SNPH: variants seen among roughly 807,000 people sequenced by gnomAD.
SNPH encodes the protein syntaphilin.
A neutral mutation model predicts 36.8 loss-of-function variants in SNPH; 10 were observed. The ratio of observed to expected loss-of-function variants is 0.27; its 90% CI spans 0.17 to 0.46. SNPH has a LOEUF of 0.46. Among genes scored for constraint, SNPH ranks in the 20% least tolerant of loss-of-function variants. SNPH has a pLI of 1.00. For missense variants in SNPH, 622 were observed against 744.0 expected, an observed-to-expected ratio of 0.84 and a Z score of 1.91; for synonymous variants, 281 against 312.2, an observed-to-expected ratio of 0.90 and a Z score of 1.05.
In SNPH at chr20:1,307,522, C is replaced by T. The variant is rs1296099101; in HGVS notation, c.*1468C>T. On this transcript the variant is annotated 3_prime_UTR_variant, in exon 7 of 7. Coordinates refer to ENST00000381867, the MANE Select transcript of SNPH (RefSeq NM_001318234.2). Reference sequence around the variant, plus strand: ...CCACTCTTCAGAGGCTAGGCCCCACCTCTGGGGGTTGGAGGGACCCTGTGT... The same window carrying T: ...CCACTCTTCAGAGGCTAGGCCCCACTTCTGGGGGTTGGAGGGACCCTGTGT... 6.6e-6 allele frequency: 1 copy of T among 152,414 alleles called. No homozygotes were observed. The highest frequency in any genetic ancestry group is 2.4e-5 in the African/African-American group (1 of 41,480). The allele number at this position is 152,414 out of a possible 1,614,324, so 9.4% of individuals were successfully genotyped here.
chr20:1,303,175 C>T (rs914508990), intron 6 of SNPH, among the ~76,000 whole-genome samples: 3 of 152,244 alleles, frequency 2.0e-5, no homozygotes, highest in African/African-American at 7.2e-5. Flanking sequence ...CAGTGGCCCA[C>T]CTTCTGTTCC....
chr20:1,299,297 G>A (rs2088477417), intron 5 of SNPH, among the ~76,000 whole-genome samples: 1 of 152,124 alleles, frequency 6.6e-6, no homozygotes, highest in South Asian at 2.1e-4. Context: ...GCTCATAAAG[G>A]GACATTGCCC....
At chr20:1,292,269 G>A (rs1260918005) in intron 2 of SNPH, among the ~76,000 whole-genome samples, 3 of 152,208 alleles carry the variant, frequency 2.0e-5, no homozygotes, top group African/African-American at 4.8e-5. Context: ...GTATGCCTGA[G>A]GACAGGCAGG....
chr20:1,284,820 A>C (rs2088265363), intron 2 of SNPH, among the ~76,000 whole-genome samples: 1 of 152,224 alleles, frequency 6.6e-6, no homozygotes, highest in Non-Finnish European at 1.5e-5. Flanking sequence ...AGAACTTTAC[A>C]TCAGCCGAAG....
At chr20:1,281,212 T>G (rs1260901061) in intron 2 of SNPH, among the ~76,000 whole-genome samples, 5 of 152,162 alleles carry the variant, frequency 3.3e-5, no homozygotes, top group Admixed American at 3.3e-4. Flanking sequence ...AAATTTCTCT[T>G]GAAGCCACCT....
chr20:1,290,395 TGCA>T (rs2088345159), intron 2 of SNPH, among the ~76,000 whole-genome samples: 2 of 152,264 alleles, frequency 1.3e-5, no homozygotes, highest in Non-Finnish European at 2.9e-5. Flanking sequence ...TCTGTCTGTG[TGCA>T]TTTGCCTGTG....
rs56289024 is a variant in SNPH, at chr20:1,289,512, TACACACACACACACAC to T, written c.-492-5409_-492-5394del. Among the ~76,000 whole-genome samples, 85 of 137,748 alleles carry T rather than the reference TACACACACACACACAC, an allele frequency of 6.2e-4. 1 individual carries two copies. The highest frequency in any genetic ancestry group is 1.2e-3 in the African/African-American group (44 of 36,028). The allele number at this position is 137,748 out of a possible 152,430, so 90.4% of individuals were successfully genotyped here. On this transcript the variant is annotated intron_variant, in intron 2 of 6. Coordinates refer to ENST00000381867, the MANE Select transcript of SNPH (RefSeq NM_001318234.2). ...TTATTAATGCAACGGTTCATTTAAATACACACACACACACACACACACACACACACACACACACACA... is the reference window on the plus strand; with the variant it reads ...TTATTAATGCAACGGTTCATTTAAATACACACACACACACACACACACACA...
intron 5 of SNPH, among the ~76,000 whole-genome samples, chr20:1,299,479 G>A (rs1309201647): frequency 6.6e-6 from 1 of 152,238 alleles, no homozygotes; most frequent in African/African-American, 2.4e-5. Context: ...CTGGGCCATA[G>A]TCTGTTGTGG....
chr20:1,266,454 G>T lies in SNPH; in HGVS notation c.-600+57G>T. 4.3e-6 allele frequency: 3 copies of T among 699,544 alleles called. No homozygotes were observed. The highest frequency in any genetic ancestry group is 6.4e-6 in the Non-Finnish European group (3 of 471,164). 43.3% of individuals were successfully genotyped at this position (699,544 alleles called of 1,614,324 possible). A position where few individuals can be genotyped will look rare whatever the true frequency, so the allele number is the denominator to read the frequency against. ...CCACCGCCCAGCTGCACCCGCCGCA[G>T]TCCAGAGTGCCGAGTGCCAGGGGGT... is the stretch of plus-strand genomic sequence containing the variant. On this transcript the variant is annotated intron_variant, in intron 1 of 6. Transcript: ENST00000381867. The surrounding 1 kb of genome is among the most constrained non-coding windows in gnomAD (Gnocchi z 6.0).
chr20:1,306,117 C>A lies in SNPH; in HGVS notation c.*63C>A, dbSNP rs933193265. ...ACTGATTGTAGGGATGCCGTTCCCC[C>A]CTCCCTTCTCCCATGGGCATCATCT... On this transcript the variant is annotated 3_prime_UTR_variant, in exon 7 of 7. Coordinates refer to ENST00000381867, the MANE Select transcript of SNPH (RefSeq NM_001318234.2). 17 of 1,250,782 alleles carry A rather than the reference C, an allele frequency of 1.4e-5. No individual in the cohort carries two copies. Among genetic ancestry groups the A allele is most frequent in the African/African-American group, 7.8e-5 (5 of 64,388 alleles). 77.5% of individuals were successfully genotyped at this position (1,250,782 alleles called of 1,614,324 possible).
Position 1,266,841 on chromosome 20 carries a change from G to C in SNPH, c.-493+81G>C, listed in dbSNP as rs1411144142. ...GGGGCCGCTTGCAACCGCTCGCTGCGGTAGAATCCCTTGGAGGGCACCAGC... is the reference window on the plus strand; with the variant it reads ...GGGGCCGCTTGCAACCGCTCGCTGCCGTAGAATCCCTTGGAGGGCACCAGC... On this transcript the variant is annotated intron_variant, in intron 2 of 6. Transcript: ENST00000381867. The surrounding 1 kb of genome is among the most constrained non-coding windows in gnomAD (Gnocchi z 6.0). 7.7e-7 allele frequency: 1 copy of C among 1,302,844 alleles called. No homozygotes were observed. Among genetic ancestry groups the C allele is most frequent in the African/African-American group, 1.5e-5 (1 of 64,562 alleles). 80.7% of individuals were successfully genotyped at this position (1,302,844 alleles called of 1,614,324 possible).
Position 1,305,648 on chromosome 20 carries a change from AC to A in SNPH, c.1215del (p.Asn406ThrfsTer6). ...GATGCCCACCCTTCAGGGCCCAGAG[AC>A]CCCAACTCAGCAGTGGTGGTGACAG... ...ELDAHPSGPR[D>X]PNSAVVVTVG... On this transcript the variant is annotated frameshift_variant, in exon 7 of 7. Coordinates refer to ENST00000381867, the MANE Select transcript of SNPH (RefSeq NM_001318234.2). LOFTEE classifies it high-confidence loss of function. 1 of 1,613,208 alleles carries A rather than the reference AC, an allele frequency of 6.2e-7. No individual in the cohort carries two copies. Among genetic ancestry groups the A allele is most frequent in the Non-Finnish European group, 8.5e-7 (1 of 1,179,894 alleles).
chr20:1,305,271 C>G lies in SNPH; in HGVS notation c.834C>G (p.Ser278Arg), dbSNP rs372413123. 6.2e-7 allele frequency: 1 copy of G among 1,610,626 alleles called. No individual in the cohort carries two copies. The highest frequency in any genetic ancestry group is 8.5e-7 in the Non-Finnish European group (1 of 1,179,804). The change falls in exon 7 of 7, where the codon AGC becomes AGG. Residue 278 changes from serine to arginine, a missense_variant. Around this residue, in one of 3 missense-constraint regions of SNPH, gnomAD observed 379 missense variants for 427.9 expected, o/e 0.89. Transcript: ENST00000381867. ...CGDRQPGDPS[S>R]GSAEDGADSG... Reference sequence around the variant, plus strand: ...ACCGCCAGCCGGGTGATCCCTCCAGCGGCTCTGCTGAGGATGGGGCAGACA... The same window carrying G: ...ACCGCCAGCCGGGTGATCCCTCCAGGGGCTCTGCTGAGGATGGGGCAGACA...
Position 1,306,158 on chromosome 20 carries a change from G to C in SNPH, c.*104G>C, listed in dbSNP as rs2088577156. ...GGCATCATCTTATTTATTTAGTTTT[G>C]GGTGTGGAACTGTTTCTTTTTTTCA... On this transcript the variant is annotated 3_prime_UTR_variant, in exon 7 of 7. Coordinates refer to ENST00000381867, the MANE Select transcript of SNPH (RefSeq NM_001318234.2). 1.9e-6 allele frequency: 2 copies of C among 1,027,014 alleles called. No individual in the cohort carries two copies. The highest frequency in any genetic ancestry group is 1.7e-5 in the African/African-American group (1 of 59,718). 63.6% of individuals were successfully genotyped at this position (1,027,014 alleles called of 1,614,324 possible).
intron 2 of SNPH, among the ~76,000 whole-genome samples, chr20:1,288,683 G>A (rs1187399750): frequency 1.3e-5 from 2 of 148,648 alleles, no homozygotes; most frequent in East Asian, 2.0e-4. Flanking sequence ...GTGCAATGTC[G>A]TGATCTCGGC....
chr20:1,306,320 G>A lies in SNPH; in HGVS notation c.*266G>A. On this transcript the variant is annotated 3_prime_UTR_variant, in exon 7 of 7. Transcript: ENST00000381867. The stretch of plus-strand genomic sequence containing the variant: ...ATTGCAGGGAGGGGAGGGAGCGAGG[G>A]CCAACCCGGCCCCTCTGTCCCCTTG... 2 of 383,112 alleles carry A rather than the reference G, an allele frequency of 5.2e-6. No homozygotes were observed. 23.7% of individuals were successfully genotyped at this position (383,112 alleles called of 1,614,324 possible). A position where few individuals can be genotyped will look rare whatever the true frequency, so the allele number is the denominator to read the frequency against.
chr20:1,273,686 AAGCACTC>A (rs766268086), intron 2 of SNPH, among the ~76,000 whole-genome samples: 1 of 152,188 alleles, frequency 6.6e-6, no homozygotes, highest in Non-Finnish European at 1.5e-5. Flanking sequence ...TCTTCATCTG[AAGCACTC>A]AGCACTGTGC....
chr20:1,277,800 TGTGTGTGTCTGTGCC>T (rs2088159793), intron 2 of SNPH, among the ~76,000 whole-genome samples: 2 of 135,476 alleles, frequency 1.5e-5, no homozygotes, highest in Non-Finnish European at 1.7e-5. Flanking sequence ...TATGTGTGCC[TGTGTGTGTCTGTGCC>T]TGTGTGTCTG....
chr20:1,296,236 A>G lies in SNPH; in HGVS notation c.-4A>G. 1 of 1,514,388 alleles carries G rather than the reference A, an allele frequency of 6.6e-7. No individual in the cohort carries two copies. Among genetic ancestry groups the G allele is most frequent in the Non-Finnish European group, 8.8e-7 (1 of 1,133,030 alleles). The allele number at this position is 1,514,388 out of a possible 1,614,324, so 93.8% of individuals were successfully genotyped here. On this transcript the variant is annotated 5_prime_UTR_variant, in exon 4 of 7. Coordinates refer to ENST00000381867, the MANE Select transcript of SNPH (RefSeq NM_001318234.2). ...TGTCCTGCCGAAGGGTGAGAAGAGA[A>G]GCCATGCCGGGCAGCGGCCCCAGCG...
Sources: allele counts gnomAD v4.1 joint callset (sites outside exome capture counted in the v4.1 genomes callset), GRCh38; gene constraint gnomAD v4.1.1; regional missense constraint gnomAD v4.1.1; non-coding constraint Gnocchi (gnomAD v3.1); transcripts MANE v1.5; gene names NCBI Gene and HGNC (gene_info 2026-07-23, HGNC 2026-07-21).